Variants in LRP1B observed in about 807,000 individuals in gnomAD.
The protein encoded by LRP1B is low-density lipoprotein receptor-related protein 1B.
In LRP1B, 217 loss-of-function variants were observed where a neutral mutation model predicts 556.6. That is an observed-to-expected ratio of 0.39 (90% CI 0.35 to 0.44). The LOEUF is 0.44. Ranked by LOEUF, LRP1B falls within the 20% of genes least tolerant of loss-of-function variation. LRP1B has a pLI of 1.00. For synonymous variants in LRP1B, 2,047 were observed against 1,865.8 expected (o/e 1.10, Z -2.50); for missense variants, 5,053 against 5,620.8 (o/e 0.90, Z 3.23).
intron 1 of LRP1B, among the ~76,000 whole-genome samples, chr2:141,902,449 T>C (rs1432451065): frequency 6.6e-5 from 10 of 152,008 alleles, no homozygotes; most frequent in Non-Finnish European, 1.5e-4. Flanking sequence ...ATTACCATGC[T>C]ATTCTTGATT....
At chr2:140,992,615 C>T (rs1697125492) in intron 16 of LRP1B, 1 of 152,112 alleles carries the variant, frequency 6.6e-6, no homozygotes, top group African/African-American at 2.4e-5. Flanking sequence ...CCTTGTTCTA[C>T]TCCTTCCTTC....
chr2:141,948,471 A>G (rs1701017306), intron 1 of LRP1B, among the ~76,000 whole-genome samples: 1 of 151,992 alleles, frequency 6.6e-6, no homozygotes, highest in Non-Finnish European at 1.5e-5. Context: ...TTTCCAAATC[A>G]ACAGAAAGAC....
intron 1 of LRP1B, among the ~76,000 whole-genome samples, chr2:142,086,641 A>AAACAAAC (rs143098707): frequency 0.17 from 3,287 of 19,020 alleles, 129 homozygotes; most frequent in African/African-American, 0.25. Flanking sequence ...ACAAACAAAC[A>AAACAAAC]AAAAAAAAAC....
chr2:140,840,449 T>A, intron 30 of LRP1B, among the ~76,000 whole-genome samples: 1 of 152,212 alleles, frequency 6.6e-6, no homozygotes, highest in East Asian at 1.9e-4. Flanking sequence ...GGTAACAAAC[T>A]CATTTCTTCC....
intron 28 of LRP1B, 148 bp from the exon 29 acceptor site, chr2:140,850,477 A>G: frequency 3.5e-6 from 2 of 566,612 alleles, no homozygotes; most frequent in East Asian, 5.7e-5. Flanking sequence ...CAATTTATCT[A>G]TTTTAAATTA....
intron 2 of LRP1B, among the ~76,000 whole-genome samples, chr2:141,639,937 T>C (rs930093908): frequency 4.6e-5 from 7 of 152,126 alleles, no homozygotes; most frequent in Admixed American, 2.0e-4. Context: ...ATATGTGCAA[T>C]GAGGAAAAGA....
chr2:141,579,270 C>T (rs189723348), intron 2 of LRP1B, among the ~76,000 whole-genome samples: 1 of 152,300 alleles, frequency 6.6e-6, no homozygotes, highest in East Asian at 1.9e-4. Flanking sequence ...CTCCTCGAAG[C>T]TGGCAGTTTC....
At chr2:141,050,378 G>T (rs1236130984) in intron 10 of LRP1B, among the ~76,000 whole-genome samples, 2 of 151,826 alleles carry the variant, frequency 1.3e-5, no homozygotes, top group East Asian at 3.9e-4. Context: ...TGCAGAGTGT[G>T]CAGGTTTGTT....
intron 1 of LRP1B, among the ~76,000 whole-genome samples, chr2:142,016,899 C>T (rs1703160268): frequency 6.7e-6 from 1 of 149,356 alleles, no homozygotes; most frequent in Non-Finnish European, 1.5e-5. Context: ...TGTATATACA[C>T]ACACATATAT....
At chr2:141,554,498 G>A (rs1326690945) in intron 2 of LRP1B, among the ~76,000 whole-genome samples, 1 of 151,474 alleles carries the variant, frequency 6.6e-6, no homozygotes, top group Non-Finnish European at 1.5e-5. Context: ...ATGAAATGCA[G>A]GATTAGAGAG....
intron 41 of LRP1B, among the ~76,000 whole-genome samples, chr2:140,692,697 C>A (rs1686287577): frequency 6.6e-6 from 1 of 151,958 alleles, no homozygotes; most frequent in Non-Finnish European, 1.5e-5. Flanking sequence ...CAGTTGTAAT[C>A]CTTTGTTGGT....
Position 140,898,443 on chromosome 2 carries a change from T to C in LRP1B, c.3766+4477A>G, listed in dbSNP as rs191902554. The C allele has an allele frequency of 1.4e-3, 271 of 189,708 alleles. 1 individual carries two copies. The highest frequency in any genetic ancestry group is 2.3e-3 in the Non-Finnish European group (210 of 91,804). 11.8% of individuals were successfully genotyped at this position (189,708 alleles called of 1,614,324 possible). ...CTAAAATAGGAAATGGTGCCCTCGG[T>C]ACTCAAGTGGAATGGGCACACTAAA... On this transcript the variant is annotated intron_variant, in intron 23 of 90. Coordinates refer to ENST00000389484, the MANE Select transcript of LRP1B (RefSeq NM_018557.3).
At chr2:140,867,370 T>TTTAATTTTTTAAATCTTAATTCC (rs1692982404) in intron 27 of LRP1B, among the ~76,000 whole-genome samples, 1 of 151,692 alleles carries the variant, frequency 6.6e-6, no homozygotes, top group African/African-American at 2.4e-5. Flanking sequence ...ATCTTAGGAA[T>TTTAATTTTTTAAATCTTAATTCC]TAAGATGCCC....
At chr2:140,412,774 T>C (rs1685020256) in intron 66 of LRP1B, among the ~76,000 whole-genome samples, 1 of 152,064 alleles carries the variant, frequency 6.6e-6, no homozygotes, top group Non-Finnish European at 1.5e-5. Context: ...TGTTTGCCGT[T>C]TTTTACATTC....
At chr2:141,070,826 A>C (rs1490000864) in intron 7 of LRP1B, among the ~76,000 whole-genome samples, 1 of 152,128 alleles carries the variant, frequency 6.6e-6, no homozygotes, top group African/African-American at 2.4e-5. Flanking sequence ...ATCTCTGAAT[A>C]GACCAATAAC....
chr2:141,390,256 C>T (rs1306483943), intron 3 of LRP1B, among the ~76,000 whole-genome samples: 1 of 152,034 alleles, frequency 6.6e-6, no homozygotes, highest in Non-Finnish European at 1.5e-5. Flanking sequence ...GAAAGCCACT[C>T]CTCCTACAAA....
chr2:140,532,492 G>A (rs913920604), intron 47 of LRP1B, among the ~76,000 whole-genome samples: 1 of 152,002 alleles, frequency 6.6e-6, no homozygotes, highest in African/African-American at 2.4e-5. Context: ...CACCTCTCGG[G>A]TTCAAGCGAT....
At chr2:141,096,585 C>G (rs941831260) in intron 7 of LRP1B, among the ~76,000 whole-genome samples, 1 of 131,010 alleles carries the variant, frequency 7.6e-6, no homozygotes, top group Non-Finnish European at 1.6e-5. Flanking sequence ...GAGCCGAGAA[C>G]ATGCCACTGC....
chr2:140,783,372 C>CA (rs34082092), intron 32 of LRP1B, among the ~76,000 whole-genome samples: 63,282 of 151,218 alleles, frequency 0.42, 13,441 homozygotes, highest in African/African-American at 0.48. Flanking sequence ...CTAGGATATA[C>CA]AAAAAAAAGT....
Sources: gnomAD v4.1 joint callset for allele counts (sites outside exome capture counted in the v4.1 genomes callset) on GRCh38, gnomAD v4.1.1 for gene constraint, MANE v1.5 for transcripts, NCBI Gene and HGNC (gene_info 2026-07-23, HGNC 2026-07-21) for gene names.